Variants in NKX6-1 observed in about 807,000 individuals in gnomAD.
The protein encoded by NKX6-1 is homeobox protein Nkx-6.1.
NKX6-1 carries 11 observed loss-of-function variants against 24.9 expected under a neutral mutation model. The ratio of observed to expected loss-of-function variants is 0.44; its 90% CI spans 0.28 to 0.73. The LOEUF (loss-of-function observed/expected upper bound fraction) is 0.73. Ranked by LOEUF, NKX6-1 falls within the 30% of genes least tolerant of loss-of-function variation. The pLI is 0.15. For missense variants in NKX6-1, 487 were observed against 502.9 expected (o/e 0.97, Z 0.30); for synonymous variants, 277 against 242.9 (o/e 1.14, Z -1.31).
Position 84,493,186 on chromosome 4 carries a change from G to C in NKX6-1, c.*103C>G. 3.5e-6 allele frequency: 4 copies of C among 1,128,162 alleles called. No homozygotes were observed. In the South Asian group the frequency reaches 9.8e-5, roughly 28 times the overall value. The allele number at this position is 1,128,162 out of a possible 1,614,324, so 69.9% of individuals were successfully genotyped here. On this transcript the variant is annotated 3_prime_UTR_variant, in exon 3 of 3. Transcript: ENST00000295886. This position sits in a 1 kb window ranked among gnomAD's most constrained non-coding sequence, Gnocchi z 5.1. ...CCCCGCAGGCAGGGCCGGGTCCTCC[G>C]GGCCCCGAGGAGCGGGCAGGCGCGG...
At chr4:84,496,658 G>A (rs1406340752) in intron 1 of NKX6-1, 1 of 152,316 alleles carries the variant, frequency 6.6e-6, no homozygotes, top group Non-Finnish European at 1.5e-5. Context: ...GGGAGCCTCC[G>A]CGGCGCTGCG....
At position 84,492,169 on chromosome 4, in the gene NKX6-1, A is replaced by G. The variant is rs1216865521; in HGVS notation, c.*1120T>C. ...AAAAAGAAAACAATTTACATATTCTATAGTATTCTTATGATACAAAACACT... is the reference window on the plus strand; with the variant it reads ...AAAAAGAAAACAATTTACATATTCTGTAGTATTCTTATGATACAAAACACT... On this transcript the variant is annotated 3_prime_UTR_variant, in exon 3 of 3. Transcript: ENST00000295886. The G allele has an allele frequency of 6.6e-6, 1 of 152,212 alleles. No individual in the cohort carries two copies. Among genetic ancestry groups the G allele is most frequent in the Non-Finnish European group, 1.5e-5 (1 of 68,038 alleles). 9.4% of individuals were successfully genotyped at this position (152,212 alleles called of 1,614,324 possible).
Position 84,493,376 on chromosome 4 carries a change from G to A in NKX6-1, c.1017C>T (p.Ile339=). The change falls in exon 3 of 3, where the codon ATC becomes ATT. Residue 339 remains isoleucine (I), a synonymous_variant. Coordinates refer to ENST00000295886, the MANE Select transcript of NKX6-1 (RefSeq NM_006168.3). The surrounding 1 kb of genome is among the most constrained non-coding windows in gnomAD (Gnocchi z 5.1). ...ACTTGTGCTTCTTCAACAGCTGCGT[G>A]ATTTTCTCGTCGTCCGAGTTGGGAT... ...PLDPNSDDEK[I]TQLLKKHKSS... is the part of the protein sequence containing the mutation. 1 of 1,614,142 alleles carries A rather than the reference G, an allele frequency of 6.2e-7. No homozygotes were observed. The highest frequency in any genetic ancestry group is 1.7e-4 in the Middle Eastern group (1 of 6,060).
Position 84,493,528 on chromosome 4 carries a change from T to C in NKX6-1, c.865A>G (p.Thr289Ala). ...QVKVWFQNRRTKWRKKHAAEM... is the reference protein window; with the variant it reads ...QVKVWFQNRRAKWRKKHAAEM... ...GCAGCGTGCTTCTTCCTCCACTTGGTCCGGCGGTTCTGGAACCAGACCTGA... is the reference window on the plus strand; with the variant it reads ...GCAGCGTGCTTCTTCCTCCACTTGGCCCGGCGGTTCTGGAACCAGACCTGA... The change falls in exon 3 of 3, where the codon ACC becomes GCC. Residue 289 changes from threonine (T) to alanine (A), a missense_variant. This residue lies in a region of NKX6-1 where 45 missense variants were observed against 86.0 expected (regional missense o/e 0.52). Transcript: ENST00000295886. This position sits in a 1 kb window ranked among gnomAD's most constrained non-coding sequence, Gnocchi z 5.1. 1 of 1,614,160 alleles carries C rather than the reference T, an allele frequency of 6.2e-7. No homozygotes were observed. The highest frequency in any genetic ancestry group is 8.5e-7 in the Non-Finnish European group (1 of 1,180,030).
In NKX6-1 at chr4:84,497,711, G is replaced by T; in HGVS notation, c.518C>A (p.Pro173His). ...GGCGCTGGGGCTGAAGTAGAGCCCG[G>T]GCGGCGGCGGCGGCGGGCTCAGGCT... The part of the protein sequence containing the change: ...FSSLSPPPPP[P>H]GLYFSPSAAA... The change falls in exon 1 of 3, where the codon CCC (proline) becomes CAC (histidine). Residue 173 changes from proline (P) to histidine (H), a missense_variant. By Grantham distance (77) the Pro-to-His change is moderately conservative. Transcript: ENST00000295886. This position sits in a 1 kb window ranked among gnomAD's most constrained non-coding sequence, Gnocchi z 4.8. 1 of 1,234,000 alleles carries T rather than the reference G, an allele frequency of 8.1e-7. No individual in the cohort carries two copies. Among genetic ancestry groups the T allele is most frequent in the Non-Finnish European group, 1.0e-6 (1 of 981,450 alleles). The allele number at this position is 1,234,000 out of a possible 1,614,324, so 76.4% of individuals were successfully genotyped here. A position where few individuals can be genotyped will look rare whatever the true frequency, so the allele number is the denominator to read the frequency against.
rs773787523 is a variant in NKX6-1 at position 84,498,108 on chromosome 4, G to A, written c.121C>T (p.Pro41Ser). 8 of 1,271,668 alleles carry A rather than the reference G, an allele frequency of 6.3e-6. No individual in the cohort carries two copies. Among genetic ancestry groups the A allele is most frequent in the Admixed American group, 3.5e-5 (1 of 28,540 alleles). 78.8% of individuals were successfully genotyped at this position (1,271,668 alleles called of 1,614,324 possible). ...MKTPLYPAAYPPLPAGPPSSS... is the reference protein window; with the variant it reads ...MKTPLYPAAYSPLPAGPPSSS... ...GAGGGGGGGCCGGCAGGCAGCGGGG[G>A]ATACGCGGCAGGGTACAGCGGGGTC... The change falls in exon 1 of 3, where the codon CCC becomes TCC. Residue 41 changes from proline to serine, a missense_variant. Coordinates refer to ENST00000295886, the MANE Select transcript of NKX6-1 (RefSeq NM_006168.3).
Position 84,497,682 on chromosome 4 carries a change from C to A in NKX6-1, c.547G>T (p.Ala183Ser). The A allele has an allele frequency of 7.9e-7, 1 of 1,272,030 alleles. No homozygotes were observed. The highest frequency in any genetic ancestry group is 3.1e-5 in the East Asian group (1 of 31,990). 78.8% of individuals were successfully genotyped at this position (1,272,030 alleles called of 1,614,324 possible). The change falls in exon 1 of 3, where the codon GCC becomes TCC. Residue 183 changes from alanine to serine, a missense_variant. This residue lies in a region of NKX6-1 where 316 missense variants were observed against 311.4 expected (regional missense o/e 1.01). Coordinates refer to ENST00000295886, the MANE Select transcript of NKX6-1 (RefSeq NM_006168.3). The surrounding 1 kb of genome is among the most constrained non-coding windows in gnomAD (Gnocchi z 4.8). ...GGGTACCGGCCCACGGCGGCCACGGCCGCGGCGCTGGGGCTGAAGTAGAGC... is the reference window on the plus strand; with the variant it reads ...GGGTACCGGCCCACGGCGGCCACGGACGCGGCGCTGGGGCTGAAGTAGAGC... ...PGLYFSPSAAAVAAVGRYPKP... is the reference protein window; with the variant it reads ...PGLYFSPSAASVAAVGRYPKP...
At chr4:84,495,094 C>A (rs1319441581) in intron 2 of NKX6-1, among the ~76,000 whole-genome samples, 2 of 152,172 alleles carry the variant, frequency 1.3e-5, no homozygotes, top group Non-Finnish European at 2.9e-5. Flanking sequence ...CAGTAATAAT[C>A]TTGTCAATTC....
chr4:84,497,989 G>A lies in NKX6-1; in HGVS notation c.240C>T (p.Leu80=). The A allele has an allele frequency of 1.6e-6, 2 of 1,290,038 alleles. No homozygotes were observed. The highest frequency in any genetic ancestry group is 2.0e-6 in the Non-Finnish European group (2 of 1,016,642). The allele number at this position is 1,290,038 out of a possible 1,614,324, so 79.9% of individuals were successfully genotyped here. Residue 80 remains leucine (L), a synonymous_variant, in exon 1 of 3, where the codon CTC becomes CTT. Coordinates refer to ENST00000295886, the MANE Select transcript of NKX6-1 (RefSeq NM_006168.3). The surrounding 1 kb of genome is among the most constrained non-coding windows in gnomAD (Gnocchi z 4.8). The part of the protein sequence containing the change: ...GGLKPPATGG[L]SSLGSPPQQL... ...GCTGCGGGGGGCTGCCGAGGGATGAGAGCCCCCCCGTGGCCGGGGGCTTCA... is the reference window on the plus strand; with the variant it reads ...GCTGCGGGGGGCTGCCGAGGGATGAAAGCCCCCCCGTGGCCGGGGGCTTCA...
Position 84,497,918 on chromosome 4 carries a change from C to A in NKX6-1, c.311G>T (p.Arg104Leu). The change falls in exon 1 of 3, where the codon CGG becomes CTG. Residue 104 changes from arginine (R) to leucine (L), a missense_variant. By Grantham distance (102) the Arg-to-Leu change is moderately radical. This residue lies in a region of NKX6-1 where 316 missense variants were observed against 311.4 expected (regional missense o/e 1.01). Transcript: ENST00000295886. This position sits in a 1 kb window ranked among gnomAD's most constrained non-coding sequence, Gnocchi z 4.8. ...TPHGINDILS[R>L]PSMPVASGAA... ...CCCCGAGGCCACGGGCATGGAGGGCCGGCTCAGGATATCGTTGATGCCGTG... is the reference window on the plus strand; with the variant it reads ...CCCCGAGGCCACGGGCATGGAGGGCAGGCTCAGGATATCGTTGATGCCGTG... 1 of 1,299,882 alleles carries A rather than the reference C, an allele frequency of 7.7e-7. No individual in the cohort carries two copies. The highest frequency in any genetic ancestry group is 9.8e-7 in the Non-Finnish European group (1 of 1,022,008). The allele number at this position is 1,299,882 out of a possible 1,614,324, so 80.5% of individuals were successfully genotyped here.
chr4:84,495,934 T>A, intron 1 of NKX6-1, 90 bp from the exon 2 acceptor site: 4 of 1,322,552 alleles, frequency 3.0e-6, no homozygotes, highest in Non-Finnish European at 4.3e-6. Context: ...CGAAAAACAA[T>A]GTTTTGTGGG....
rs1720843779 is a variant in NKX6-1 at position 84,497,506 on chromosome 4, T to C, written c.670+53A>G. ...CACACCAGGGGCCGCGACCCGGGAG[T>C]GGGCAGAACAGGCACGGCAGGCAGG... On this transcript the variant is annotated intron_variant, in intron 1 of 2. Transcript: ENST00000295886. This position sits in a 1 kb window ranked among gnomAD's most constrained non-coding sequence, Gnocchi z 4.8. 2 of 1,249,392 alleles carry C rather than the reference T, an allele frequency of 1.6e-6. No individual in the cohort carries two copies. The highest frequency in any genetic ancestry group is 2.0e-6 in the Non-Finnish European group (2 of 989,036). The allele number at this position is 1,249,392 out of a possible 1,614,324, so 77.4% of individuals were successfully genotyped here.
Position 84,493,307 on chromosome 4 carries a change from C to T in NKX6-1, c.1086G>A (p.Glu362=), listed in dbSNP as rs751311379. 1.2e-6 allele frequency: 2 copies of T among 1,602,960 alleles called. No individual in the cohort carries two copies. Among genetic ancestry groups the T allele is most frequent in the Non-Finnish European group, 1.7e-6 (2 of 1,177,850 alleles). ...GGGGLLLHAS[E]PESSS Reference sequence around the variant, plus strand: ...GCGGCGTTCAGGATGAGCTCTCCGGCTCGGACGCGTGCAGTAGGAGGCCGC... The same window carrying T: ...GCGGCGTTCAGGATGAGCTCTCCGGTTCGGACGCGTGCAGTAGGAGGCCGC... The change falls in exon 3 of 3, where the codon GAG becomes GAA. Residue 362 remains glutamate, a synonymous_variant. Transcript: ENST00000295886. The surrounding 1 kb of genome is among the most constrained non-coding windows in gnomAD (Gnocchi z 5.1).
At chr4:84,496,136 A>C (rs2109987036) in intron 1 of NKX6-1, among the ~76,000 whole-genome samples, 1 of 152,260 alleles carries the variant, frequency 6.6e-6, no homozygotes, top group African/African-American at 2.4e-5. Flanking sequence ...CCAGAGCCTA[A>C]TCGCAAGGCC....
At position 84,495,801 on chromosome 4, in the gene NKX6-1, G is replaced by C. The variant is rs1720807710; in HGVS notation, c.714C>G (p.His238Gln). 1 of 1,614,040 alleles carries C rather than the reference G, an allele frequency of 6.2e-7. No homozygotes were observed. Among genetic ancestry groups the C allele is most frequent in the African/African-American group, 1.3e-5 (1 of 74,912 alleles). The part of the protein sequence containing the change: ...ILLDKDGKRK[H>Q]TRPTFSGQQI... Reference sequence around the variant, plus strand: ...GCTGTCCGGAAAAAGTGGGTCTCGTGTGTTTTCTCTTCCCGTCTTTGTCCA... The same window carrying C: ...GCTGTCCGGAAAAAGTGGGTCTCGTCTGTTTTCTCTTCCCGTCTTTGTCCA... The change falls in exon 2 of 3, where the codon CAC becomes CAG. Residue 238 changes from histidine (H) to glutamine (Q), a missense_variant. Around this residue, in one of 3 missense-constraint regions of NKX6-1, gnomAD observed 45 missense variants for 86.0 expected, o/e 0.52. Coordinates refer to ENST00000295886, the MANE Select transcript of NKX6-1 (RefSeq NM_006168.3).
rs1481449231 is a variant in NKX6-1, at chr4:84,493,501, C to G, written c.892G>C (p.Glu298Gln). 8.7e-6 allele frequency: 14 copies of G among 1,614,128 alleles called. No homozygotes were observed. The highest frequency in any genetic ancestry group is 1.7e-5 in the Admixed American group (1 of 60,012). ...TGCTTCTTCTTGGCCGTGGCCATCT[C>G]GGCAGCGTGCTTCTTCCTCCACTTG... ...RTKWRKKHAA[E>Q]MATAKKKQDS... The change falls in exon 3 of 3, where the codon GAG becomes CAG. Residue 298 changes from glutamate to glutamine, a missense_variant. Physicochemically the swap from Glu to Gln is conservative, Grantham distance 29. Transcript: ENST00000295886. The surrounding 1 kb of genome is among the most constrained non-coding windows in gnomAD (Gnocchi z 5.1).
In NKX6-1 at chr4:84,497,206, AGGCCAGGCCTGCGGTCCT is replaced by A. The variant is rs924403544; in HGVS notation, c.670+335_670+352del. On this transcript the variant is annotated intron_variant, in intron 1 of 2. Transcript: ENST00000295886. This position sits in a 1 kb window ranked among gnomAD's most constrained non-coding sequence, Gnocchi z 4.8. The stretch of plus-strand genomic sequence containing the variant: ...CCTCTCCTCCCCATCTTTCTAATCC[AGGCCAGGCCTGCGGTCCT>A]GGCCAGGCCGTTTCAGGAACAGCCA... Among the ~76,000 whole-genome samples, 4 of 152,016 alleles carry A rather than the reference AGGCCAGGCCTGCGGTCCT, an allele frequency of 2.6e-5. No homozygotes were observed. Among genetic ancestry groups the A allele is most frequent in the African/African-American group, 9.7e-5 (4 of 41,412 alleles).
chr4:84,498,870 G>A lies in NKX6-1; in HGVS notation c.-642C>T, dbSNP rs749238908. ...GCTTCCTCCGCCCACGCTGCCCCGG[G>A]CTGCTGCGCCAGAAAGGGCAGTGCC... On this transcript the variant is annotated 5_prime_UTR_variant, in exon 1 of 3. Coordinates refer to ENST00000295886, the MANE Select transcript of NKX6-1 (RefSeq NM_006168.3). Among the ~76,000 whole-genome samples, 50 of 152,360 alleles carry A rather than the reference G, an allele frequency of 3.3e-4. No individual in the cohort carries two copies. The highest frequency in any genetic ancestry group is 6.5e-4 in the Non-Finnish European group (44 of 68,032).
chr4:84,498,068 G>A lies in NKX6-1; in HGVS notation c.161C>T (p.Ser54Leu), dbSNP rs550074921. 3.2e-6 allele frequency: 4 copies of A among 1,245,958 alleles called. No homozygotes were observed. Among genetic ancestry groups the A allele is most frequent in the Non-Finnish European group, 3.0e-6 (3 of 994,154 alleles). 77.2% of individuals were successfully genotyped at this position (1,245,958 alleles called of 1,614,324 possible). The change falls in exon 1 of 3, where the codon TCG becomes TTG. Residue 54 changes from serine (S) to leucine (L), a missense_variant. This residue lies in a region of NKX6-1 where 316 missense variants were observed against 311.4 expected (regional missense o/e 1.01). Transcript: ENST00000295886. Reference protein sequence around the residue: ...PAGPPSSSSSSSSSSSPSPPL... With the variant: ...PAGPPSSSSSLSSSSSPSPPL... The stretch of plus-strand genomic sequence containing the variant: ...CGGGGAGGGCGACGAGGAGGACGAC[G>A]ACGAGGACGAGGAGGAGGGGGGGCC...
Sources: allele counts gnomAD v4.1 joint callset (sites outside exome capture counted in the v4.1 genomes callset), GRCh38; gene constraint gnomAD v4.1.1; regional missense constraint gnomAD v4.1.1; non-coding constraint Gnocchi (gnomAD v3.1); transcripts MANE v1.5; gene names NCBI Gene and HGNC (gene_info 2026-07-23, HGNC 2026-07-21).